The following NHLRC2 variants were observed in gnomAD, a reference collection of about 807,000 sequenced individuals.
NHLRC2 encodes the protein NHL repeat-containing protein 2.
Under a neutral mutation model 68.1 loss-of-function variants are expected in NHLRC2, and 33 were observed. The ratio of observed to expected loss-of-function variants is 0.48; its 90% confidence interval spans 0.37 to 0.65. NHLRC2 has a LOEUF of 0.65. Among genes scored for constraint, NHLRC2 ranks in the 30% least tolerant of loss-of-function variants. NHLRC2 has a pLI of 0.00. For synonymous variants in NHLRC2, 311 were observed against 309.6 expected, an observed-to-expected ratio of 1.00 and a Z score of -0.05; for missense variants, 761 against 853.8, an observed-to-expected ratio of 0.89 and a Z score of 1.35.
rs971797689 is a variant in NHLRC2 at position 113,914,908 on chromosome 10, C to T, written c.*6372C>T. 3 of 443,256 alleles carry T rather than the reference C, an allele frequency of 6.8e-6. No homozygotes were observed. The highest frequency in any genetic ancestry group is 5.0e-5 in the Admixed American group (2 of 40,202). 27.5% of individuals were successfully genotyped at this position (443,256 alleles called of 1,614,324 possible). A position where few individuals can be genotyped will look rare whatever the true frequency, so the allele number is the denominator to read the frequency against. On this transcript the variant is annotated 3_prime_UTR_variant, in exon 11 of 11. Coordinates refer to ENST00000369301, the MANE Select transcript of NHLRC2 (RefSeq NM_198514.4). Reference sequence around the variant, plus strand: ...CTATATGTATTCCATGGCTAACAAACCCTGGCCCCTTTACATATGAGCTCT... The same window carrying T: ...CTATATGTATTCCATGGCTAACAAATCCTGGCCCCTTTACATATGAGCTCT...
At chr10:113,865,293 G>T (rs1245273223) in intron 2 of NHLRC2, among the ~76,000 whole-genome samples, 2 of 88,952 alleles carry the variant, frequency 2.2e-5, no homozygotes, top group African/African-American at 1.1e-4. Flanking sequence ...CCCCCCCCCC[G>T]TTCCTCTCAC....
At chr10:113,883,269 G>T (rs1280301466) in intron 4 of NHLRC2, among the ~76,000 whole-genome samples, 2 of 151,702 alleles carry the variant, frequency 1.3e-5, no homozygotes, top group Non-Finnish European at 3.0e-5. Context: ...TAAACTTCCT[G>T]TTTCCTTTTA....
chr10:113,886,061 A>C (rs535173584), intron 5 of NHLRC2, among the ~76,000 whole-genome samples: 3 of 152,226 alleles, frequency 2.0e-5, no homozygotes, highest in Non-Finnish European at 4.4e-5. Context: ...CAAAATCAAC[A>C]TACAAAAATT....
At chr10:113,855,875 A>AT (rs1487069486) in intron 1 of NHLRC2, among the ~76,000 whole-genome samples, 1 of 152,128 alleles carries the variant, frequency 6.6e-6, no homozygotes, top group African/African-American at 2.4e-5. Flanking sequence ...TTACCTCTAT[A>AT]TCCCAGTGAG....
intron 3 of NHLRC2, among the ~76,000 whole-genome samples, chr10:113,877,638 T>C (rs886335354): frequency 1.3e-5 from 2 of 152,178 alleles, no homozygotes; most frequent in Admixed American, 6.5e-5. Context: ...TACATTCTTA[T>C]TAATCTTTCT....
intron 5 of NHLRC2, among the ~76,000 whole-genome samples, chr10:113,893,499 A>C (rs1846150796): frequency 6.6e-6 from 1 of 152,152 alleles, no homozygotes; most frequent in Non-Finnish European, 1.5e-5. Context: ...ATCCACGTAA[A>C]ATTATTAGCT....
chr10:113,858,378 A>C (rs1010580277), intron 1 of NHLRC2, 150 bp from the exon 2 acceptor site: 1 of 569,446 alleles, frequency 1.8e-6, no homozygotes, highest in Non-Finnish European at 3.1e-6. Flanking sequence ...CTATAAATAC[A>C]TGCAACTGCC....
chr10:113,912,256 A>C lies in NHLRC2; in HGVS notation c.*3720A>C, dbSNP rs962863239. On this transcript the variant is annotated 3_prime_UTR_variant, in exon 11 of 11. Transcript: ENST00000369301. ...GCACTTAGTAATTAATGAAACTGGT[A>C]ATTATTAGCTTAGTTACTGTAATGA... 6.6e-6 allele frequency: 1 copy of C among 152,152 alleles called. No homozygotes were observed. Among genetic ancestry groups the C allele is most frequent in the Non-Finnish European group, 1.5e-5 (1 of 68,026 alleles). The allele number at this position is 152,152 out of a possible 1,614,324, so 9.4% of individuals were successfully genotyped here.
intron 5 of NHLRC2, among the ~76,000 whole-genome samples, chr10:113,885,054 A>C (rs1846068676): frequency 6.6e-6 from 1 of 151,892 alleles, no homozygotes; most frequent in South Asian, 2.1e-4. Context: ...ATGAGTAAAC[A>C]AAGTTAGAAT....
intron 2 of NHLRC2, among the ~76,000 whole-genome samples, chr10:113,865,139 C>T (rs1201640202): frequency 6.6e-6 from 1 of 151,902 alleles, no homozygotes; most frequent in African/African-American, 2.4e-5. Context: ...TTAGTAGAGA[C>T]AGGGTTTCAC....
intron 5 of NHLRC2, among the ~76,000 whole-genome samples, chr10:113,887,507 T>C (rs760603295): frequency 6.6e-6 from 1 of 152,176 alleles, no homozygotes; most frequent in Non-Finnish European, 1.5e-5. Flanking sequence ...TGGTGGCTCA[T>C]GCCTGTAATC....
chr10:113,878,332 G>T (rs997726122), intron 3 of NHLRC2, among the ~76,000 whole-genome samples: 1 of 151,910 alleles, frequency 6.6e-6, no homozygotes, highest in East Asian at 1.9e-4. Context: ...ACAATTGTAG[G>T]TACAGTAGAC....
chr10:113,879,612 T>G lies in NHLRC2; in HGVS notation c.826T>G (p.Ser276Ala), dbSNP rs780715931. The change falls in exon 4 of 11, where the codon TCA (serine) becomes GCA (alanine). Residue 276 changes from serine to alanine, a missense_variant. Transcript: ENST00000369301. ...AAGAAAAGATGGAATATTTTCAGAA[T>G]CAACTTTTAATTCTCCACAGGGTGT... Reference protein sequence around the residue: ...PGRKDGIFSESTFNSPQGVAI... With the variant: ...PGRKDGIFSEATFNSPQGVAI... 6.2e-7 allele frequency: 1 copy of G among 1,600,366 alleles called. No individual in the cohort carries two copies. The highest frequency in any genetic ancestry group is 1.1e-5 in the South Asian group (1 of 89,144).
intron 1 of NHLRC2, among the ~76,000 whole-genome samples, chr10:113,857,326 G>GT (rs989739623): frequency 6.6e-6 from 1 of 152,078 alleles, no homozygotes; most frequent in Non-Finnish European, 1.5e-5. Context: ...TTAGTCTGAA[G>GT]TTTTGTATGA....
Position 113,858,639 on chromosome 10 carries a change from T to C in NHLRC2, c.290T>C (p.Leu97Ser). The change falls in exon 2 of 11, where the codon TTG becomes TCG. Residue 97 changes from leucine to serine, a missense_variant. Coordinates refer to ENST00000369301, the MANE Select transcript of NHLRC2 (RefSeq NM_198514.4). The part of the protein sequence containing the change: ...TYCCINCIHL[L>S]PDLHALEHTY... ...TGCTGCATAAACTGTATTCACCTAT[T>C]GCCTGATCTCCATGCATTAGAACAC... The C allele has an allele frequency of 6.8e-6, 11 of 1,611,780 alleles. No homozygotes were observed. The highest frequency in any genetic ancestry group is 9.3e-6 in the Non-Finnish European group (11 of 1,177,924).
At chr10:113,892,660 T>A (rs1846143090) in intron 5 of NHLRC2, among the ~76,000 whole-genome samples, 1 of 152,002 alleles carries the variant, frequency 6.6e-6, no homozygotes, top group Admixed American at 6.6e-5. Flanking sequence ...TTTTTTTTTT[T>A]AACTTTCATT....
At chr10:113,891,724 C>T (rs1846133892) in intron 5 of NHLRC2, among the ~76,000 whole-genome samples, 1 of 152,118 alleles carries the variant, frequency 6.6e-6, no homozygotes, top group Admixed American at 6.5e-5. Flanking sequence ...TGCAGCCGTC[C>T]CAGGGATAGA....
intron 4 of NHLRC2, 57 bp from the exon 5 acceptor site, chr10:113,884,194 A>G (rs2134716039): frequency 5.2e-6 from 8 of 1,547,366 alleles, no homozygotes; most frequent in Non-Finnish European, 7.1e-6. Flanking sequence ...TTACACAGCA[A>G]AAGACAAAAG....
In NHLRC2 at chr10:113,904,900, A is replaced by T. The variant is rs1334614351; in HGVS notation, c.1788A>T (p.Lys596Asn). 1.5e-5 allele frequency: 24 copies of T among 1,611,142 alleles called. No individual in the cohort carries two copies. The highest frequency in any genetic ancestry group is 2.0e-5 in the Non-Finnish European group (24 of 1,179,028). Residue 596 changes from lysine to asparagine, a missense_variant, in exon 10 of 11, where the codon AAA (lysine) becomes AAT (asparagine). By Grantham distance (94) the Lys-to-Asn change is moderately conservative (BLOSUM62 0). Coordinates refer to ENST00000369301, the MANE Select transcript of NHLRC2 (RefSeq NM_198514.4). ...EKQKTLPKLP[K>N]SAPSIRLSPV... ...AGAAGACATTACCCAAACTACCTAA[A>T]TCTGCTCCAAGCATTAGGCTTTCCC...
Sources: gnomAD v4.1 joint callset for allele counts (sites outside exome capture counted in the v4.1 genomes callset) on GRCh38, gnomAD v4.1.1 for gene constraint, MANE v1.5 for transcripts, NCBI Gene and HGNC (gene_info 2026-07-23, HGNC 2026-07-21) for gene names.